Variants in SH3BGRL observed in about 807,000 individuals in gnomAD.
SH3BGRL encodes the protein SH3 domain binding glutamate rich protein like.
Under a neutral mutation model 9.8 loss-of-function variants are expected in SH3BGRL, and 7 were observed. The ratio of observed to expected loss-of-function variants is 0.72; its 90% CI spans 0.41 to 1.35. The LOEUF is 1.35. Among genes scored for constraint, SH3BGRL ranks in the 40% most tolerant of loss-of-function variants. The pLI, the probability that SH3BGRL is intolerant of heterozygous loss-of-function variation, is 0.01. For synonymous variants in SH3BGRL, 36 were observed against 29.1 expected (o/e 1.24, Z -0.76); for missense variants, 73 against 84.4 (o/e 0.86, Z 0.53).
chrX:81,298,491 T>A lies in SH3BGRL; in HGVS notation c.*1264T>A, dbSNP rs1443050459. ...ATAATGAAGAGATGCCTTTGTTTCA[T>A]GAGATTCAAACTTGATGCTATGCTT... On this transcript the variant is annotated 3_prime_UTR_variant, in exon 4 of 4. Coordinates refer to ENST00000373212, the MANE Select transcript of SH3BGRL (RefSeq NM_003022.3). 9.0e-6 allele frequency: 1 copy of A among 111,686 alleles called. No homozygotes were observed. Among genetic ancestry groups the A allele is most frequent in the African/African-American group, 3.2e-5 (1 of 30,868 alleles). 9.2% of individuals were successfully genotyped at this position (111,686 alleles called of 1,213,427 possible).
intron 1 of SH3BGRL, among the ~76,000 whole-genome samples, chrX:81,233,062 T>C (rs2075637735): frequency 9.0e-6 from 1 of 111,579 alleles, no homozygotes; most frequent in Non-Finnish European, 1.9e-5. Flanking sequence ...ATATGATACA[T>C]ATACAACTTG....
At chrX:81,270,318 C>T in intron 1 of SH3BGRL, among the ~76,000 whole-genome samples, 1 of 111,604 alleles carries the variant, frequency 9.0e-6, no homozygotes, top group East Asian at 2.8e-4. Context: ...TGCAATTTTC[C>T]ACCTTTCTGC....
chrX:81,292,190 C>T (rs1037662223), intron 3 of SH3BGRL, among the ~76,000 whole-genome samples: 3 of 112,286 alleles, frequency 2.7e-5, no homozygotes, highest in African/African-American at 9.7e-5. Flanking sequence ...GGGCTCCATG[C>T]TTGCAGCAGA....
chrX:81,281,486 C>G (rs1416522874), intron 3 of SH3BGRL, among the ~76,000 whole-genome samples: 4 of 112,070 alleles, frequency 3.6e-5, no homozygotes, highest in Admixed American at 1.9e-4. Flanking sequence ...AAAAACCCTA[C>G]AAGCTAGAAG....
chrX:81,279,586 G>A (rs1236796196), intron 3 of SH3BGRL, among the ~76,000 whole-genome samples: 4 of 111,271 alleles, frequency 3.6e-5, no homozygotes, highest in African/African-American at 1.3e-4. Flanking sequence ...CTGAAGGTCT[G>A]TTTGCGGGAG....
chrX:81,244,905 G>T (rs1390834636), intron 1 of SH3BGRL, among the ~76,000 whole-genome samples: 1 of 111,639 alleles, frequency 9.0e-6, no homozygotes, highest in African/African-American at 3.3e-5. Flanking sequence ...AGAACTTGGG[G>T]TTAGGCAGAG....
At chrX:81,212,420 T>C (rs2075568026) in intron 1 of SH3BGRL, among the ~76,000 whole-genome samples, 1 of 110,800 alleles carries the variant, frequency 9.0e-6, no homozygotes, top group Non-Finnish European at 1.9e-5. Flanking sequence ...AATTTTATAC[T>C]CGACTTTGAA....
At chrX:81,269,384 C>T (rs1449867368) in intron 1 of SH3BGRL, among the ~76,000 whole-genome samples, 2 of 111,609 alleles carry the variant, frequency 1.8e-5, no homozygotes, top group Admixed American at 9.5e-5. Context: ...TTAGTAATTC[C>T]TTCAGGAGCT....
chrX:81,277,940 G>C (rs895695001), intron 2 of SH3BGRL, among the ~76,000 whole-genome samples: 3 of 111,738 alleles, frequency 2.7e-5, no homozygotes, highest in Non-Finnish European at 5.6e-5. Flanking sequence ...TGATTCTGTC[G>C]ACCAGTCAGG....
chrX:81,259,802 C>T (rs2075735874), intron 1 of SH3BGRL, among the ~76,000 whole-genome samples: 1 of 112,020 alleles, frequency 8.9e-6, no homozygotes, highest in South Asian at 3.6e-4. Context: ...GTTATGGAAG[C>T]ACTGTTGTGG....
intron 1 of SH3BGRL, among the ~76,000 whole-genome samples, chrX:81,235,284 C>T (rs1459255846): frequency 9.1e-6 from 1 of 110,345 alleles, no homozygotes; most frequent in Non-Finnish European, 1.9e-5. Context: ...GAGACCACTA[C>T]CAAACTGTCC....
chrX:81,288,147 C>T (rs1053829927), intron 3 of SH3BGRL, among the ~76,000 whole-genome samples: 1 of 111,798 alleles, frequency 8.9e-6, no homozygotes, highest in Non-Finnish European at 1.9e-5. Flanking sequence ...TGCAAATCAA[C>T]CAATGTGACA....
chrX:81,226,606 TTATTTA>T (rs1305178287), intron 1 of SH3BGRL, among the ~76,000 whole-genome samples: 26 of 105,589 alleles, frequency 2.5e-4, no homozygotes, highest in African/African-American at 8.8e-4. Flanking sequence ...TATTTATATT[TTATTTA>T]TATTTATATT....
chrX:81,252,640 T>C (rs1787664624), intron 1 of SH3BGRL, among the ~76,000 whole-genome samples: 1 of 111,672 alleles, frequency 9.0e-6, no homozygotes, highest in Admixed American at 9.5e-5. Flanking sequence ...TCCAAAAAAA[T>C]CTCATAGTGT....
At chrX:81,292,085 A>G (rs1197014062) in intron 3 of SH3BGRL, among the ~76,000 whole-genome samples, 1 of 111,041 alleles carries the variant, frequency 9.0e-6, no homozygotes, top group Admixed American at 9.5e-5. Context: ...CCCCTTTCTC[A>G]CAGCTACACT....
intron 1 of SH3BGRL, among the ~76,000 whole-genome samples, chrX:81,271,733 G>A (rs2075780456): frequency 9.0e-6 from 1 of 111,165 alleles, no homozygotes; most frequent in Admixed American, 9.6e-5. Context: ...TCAAATTCGG[G>A]AAATACAGAG....
At chrX:81,236,473 C>T (rs186602976) in intron 1 of SH3BGRL, among the ~76,000 whole-genome samples, 7 of 111,392 alleles carry the variant, frequency 6.3e-5, no homozygotes, top group Admixed American at 1.9e-4. Flanking sequence ...TTGTTTCTCA[C>T]GATGCAGTAT....
At chrX:81,242,655 A>G (rs779958226) in intron 1 of SH3BGRL, among the ~76,000 whole-genome samples, 59 of 111,559 alleles carry the variant, frequency 5.3e-4, no homozygotes, top group Non-Finnish European at 8.7e-4. Flanking sequence ...AGTAGACAAT[A>G]TTTGCAAACT....
At chrX:81,232,143 A>G (rs910878660) in intron 1 of SH3BGRL, among the ~76,000 whole-genome samples, 2 of 111,176 alleles carry the variant, frequency 1.8e-5, no homozygotes, top group African/African-American at 6.5e-5. Context: ...ACTGTTCTAT[A>G]GCTATATTTT....
Sources: gnomAD v4.1 joint callset for allele counts (sites outside exome capture counted in the v4.1 genomes callset) on GRCh38, gnomAD v4.1.1 for gene constraint, MANE v1.5 for transcripts, NCBI Gene and HGNC (gene_info 2026-07-23, HGNC 2026-07-21) for gene names.